DGKB: variants seen among roughly 807,000 people sequenced by gnomAD.
DGKB encodes 90 kDa diacylglycerol kinase.
DGKB carries 67 observed loss-of-function variants against 114.3 expected under a neutral mutation model. That is an observed-to-expected ratio of 0.59 (90% CI 0.48 to 0.72). The LOEUF (loss-of-function observed/expected upper bound fraction) is 0.72. Ranked by LOEUF, DGKB falls within the 30% of genes least tolerant of loss-of-function variation. The pLI is 0.00. For synonymous variants in DGKB, 398 were observed against 323.1 expected, an observed-to-expected ratio of 1.23 and a Z score of -2.49; for missense variants, 907 against 975.2, an observed-to-expected ratio of 0.93 and a Z score of 0.93.
intron 1 of DGKB, among the ~76,000 whole-genome samples, chr7:14,846,793 C>A (rs577819989): frequency 6.6e-6 from 1 of 152,146 alleles, no homozygotes; most frequent in Non-Finnish European, 1.5e-5. Context: ...GCTCTTTGGG[C>A]CACTGTACCT....
intron 20 of DGKB, among the ~76,000 whole-genome samples, chr7:14,499,585 G>A (rs1156416983): frequency 6.6e-6 from 1 of 151,746 alleles, no homozygotes; most frequent in Non-Finnish European, 1.5e-5. Flanking sequence ...AATCACAAAG[G>A]TGGAGCCTCA....
intron 17 of DGKB, among the ~76,000 whole-genome samples, chr7:14,596,174 A>C (rs897358955): frequency 6.6e-6 from 1 of 152,186 alleles, no homozygotes. Context: ...CTCTACAAGC[A>C]CAGGAATAAT....
At chr7:14,884,823 A>T (rs1230617591) in intron 1 of DGKB, among the ~76,000 whole-genome samples, 1 of 151,986 alleles carries the variant, frequency 6.6e-6, no homozygotes, top group Non-Finnish European at 1.5e-5. Context: ...AAGATACTAA[A>T]TATTCTCTTT....
intron 21 of DGKB, among the ~76,000 whole-genome samples, chr7:14,406,746 C>T (rs901966118): frequency 3.1e-4 from 47 of 152,172 alleles, no homozygotes; most frequent in African/African-American, 9.9e-4. Context: ...GCATGTTGAA[C>T]AATTTATTTG....
chr7:14,509,369 G>C (rs1787622927), intron 20 of DGKB, among the ~76,000 whole-genome samples: 1 of 152,044 alleles, frequency 6.6e-6, no homozygotes, highest in Non-Finnish European at 1.5e-5. Context: ...TGCCCGGAGA[G>C]AATAACCACT....
intron 1 of DGKB, among the ~76,000 whole-genome samples, chr7:14,875,624 T>G (rs1853160544): frequency 6.6e-6 from 1 of 152,146 alleles, no homozygotes; most frequent in Non-Finnish European, 1.5e-5. Context: ...ATTATGAAAT[T>G]CATGAAAATT....
At chr7:14,773,721 A>C (rs139209812) in intron 2 of DGKB, among the ~76,000 whole-genome samples, 1 of 152,320 alleles carries the variant, frequency 6.6e-6, no homozygotes, top group East Asian at 1.9e-4. Context: ...TCCAGAAAGA[A>C]GAATGGGATG....
chr7:14,250,281 G>A (rs1430557858), intron 23 of DGKB, among the ~76,000 whole-genome samples: 1 of 151,680 alleles, frequency 6.6e-6, no homozygotes, highest in Non-Finnish European at 1.5e-5. Context: ...TTTTCTTAAT[G>A]TAAGGATTTA....
At chr7:14,700,002 A>G (rs1393660449) in intron 7 of DGKB, among the ~76,000 whole-genome samples, 1 of 152,118 alleles carries the variant, frequency 6.6e-6, no homozygotes, top group African/African-American at 2.4e-5. Context: ...TAAAAAAGAA[A>G]CATTAAATAA....
At chr7:14,843,216 T>TAAA (rs58201538) in intron 1 of DGKB, among the ~76,000 whole-genome samples, 1 of 125,902 alleles carries the variant, frequency 7.9e-6, no homozygotes, top group Admixed American at 8.4e-5. Context: ...GATTCTGTCT[T>TAAA]AAAAAAAAAA....
chr7:14,356,250 G>C (rs920449630), intron 21 of DGKB, among the ~76,000 whole-genome samples: 1 of 150,064 alleles, frequency 6.7e-6, no homozygotes, highest in Non-Finnish European at 1.5e-5. Context: ...TTTATTTTTT[G>C]AGGGGTTTTT....
At position 14,957,599 on chromosome 7, in the gene DGKB, A is replaced by G. The variant is rs114688844; in HGVS notation, c.-188+17097T>C. 3.3e-3 allele frequency among the ~76,000 whole-genome samples: 496 copies of G among 152,170 alleles called. 3 individuals are homozygous for G. The highest frequency in any genetic ancestry group is 0.011 in the African/African-American group (469 of 41,542). On this transcript the variant is annotated intron_variant, in intron 1 of 4. Coordinates refer to the DGKB transcript ENST00000437998. The stretch of plus-strand genomic sequence containing the variant: ...ACAATGATCTTGAAACTCCTTCTTT[A>G]TAAGTTACATATTGCCATTTATATA...
chr7:14,694,879 T>A, intron 8 of DGKB, among the ~76,000 whole-genome samples: 1 of 152,174 alleles, frequency 6.6e-6, no homozygotes, highest in East Asian at 1.9e-4. Flanking sequence ...GTGTTGTTTG[T>A]GCTATTATTA....
chr7:14,858,010 A>G (rs1007424085), intron 1 of DGKB, among the ~76,000 whole-genome samples: 31 of 152,148 alleles, frequency 2.0e-4, no homozygotes, highest in Admixed American at 9.8e-4. Context: ...TGCTCAAAGG[A>G]TAGTAGTTCT....
chr7:14,305,681 T>G (rs1299915756), intron 23 of DGKB, among the ~76,000 whole-genome samples: 1 of 152,152 alleles, frequency 6.6e-6, no homozygotes, highest in Non-Finnish European at 1.5e-5. Context: ...TTCCTGGCAG[T>G]GGTCCCACAG....
intron 21 of DGKB, among the ~76,000 whole-genome samples, chr7:14,370,069 T>G (rs995330284): frequency 6.6e-6 from 1 of 152,230 alleles, no homozygotes; most frequent in African/African-American, 2.4e-5. Flanking sequence ...CTAGGGCTTT[T>G]ATGGTTTTAG....
At chr7:14,662,631 A>C (rs1309236359) in intron 13 of DGKB, among the ~76,000 whole-genome samples, 1 of 152,018 alleles carries the variant, frequency 6.6e-6, no homozygotes, top group Non-Finnish European at 1.5e-5. Flanking sequence ...TAATGAGATT[A>C]CACAGGCATT....
At chr7:14,299,723 C>T (rs564401440) in intron 23 of DGKB, among the ~76,000 whole-genome samples, 1 of 152,150 alleles carries the variant, frequency 6.6e-6, no homozygotes, top group East Asian at 1.9e-4. Flanking sequence ...GGGAAAGAAG[C>T]CACAGTGCAT....
At chr7:14,970,667 T>C (rs1787412088) in intron 1 of DGKB, among the ~76,000 whole-genome samples, 1 of 152,162 alleles carries the variant, frequency 6.6e-6, no homozygotes, top group South Asian at 2.1e-4. Flanking sequence ...CTTGTTTTCA[T>C]ACCCCTTCCC....
Sources: gnomAD v4.1 joint callset for allele counts (sites outside exome capture counted in the v4.1 genomes callset) on GRCh38, gnomAD v4.1.1 for gene constraint, MANE v1.5 for transcripts, NCBI Gene and HGNC (gene_info 2026-07-23, HGNC 2026-07-21) for gene names.